The following KDM4C variants were observed in gnomAD, a reference collection of about 807,000 sequenced individuals.
KDM4C encodes lysine-specific demethylase 4C.
A neutral mutation model predicts 129.3 loss-of-function variants in KDM4C; 81 were observed. The ratio of observed to expected loss-of-function variants is 0.63; its 90% CI spans 0.52 to 0.75. KDM4C has a LOEUF of 0.75. KDM4C is among the 30% of genes least tolerant of loss of function. The pLI is 0.00. For missense variants in KDM4C, 1,457 were observed against 1,304.0 expected, an observed-to-expected ratio of 1.12 and a Z score of -1.81; for synonymous variants, 573 against 456.1, an observed-to-expected ratio of 1.26 and a Z score of -3.26.
At chr9:6,799,299 C>G (rs1402851788) in intron 2 of KDM4C, among the ~76,000 whole-genome samples, 1 of 152,248 alleles carries the variant, frequency 6.6e-6, no homozygotes. Flanking sequence ...TAAGGAGACT[C>G]TGTCTGCAAT....
At chr9:6,874,067 T>C (rs1274313740) in intron 5 of KDM4C, among the ~76,000 whole-genome samples, 1 of 152,048 alleles carries the variant, frequency 6.6e-6, no homozygotes, top group Non-Finnish European at 1.5e-5. Context: ...ACAATAGCAG[T>C]GGCAACATCA....
intron 1 of KDM4C, among the ~76,000 whole-genome samples, chr9:6,744,492 T>TCCAGTGTGGCGA (rs1328097746): frequency 6.6e-6 from 1 of 152,004 alleles, no homozygotes; most frequent in East Asian, 1.9e-4. Context: ...ACCACTGCCC[T>TCCAGTGTGGCGA]CCAGTGTGGC....
intron 4 of KDM4C, among the ~76,000 whole-genome samples, chr9:6,830,987 G>A (rs180796101): frequency 6.6e-6 from 1 of 152,158 alleles, no homozygotes; most frequent in African/African-American, 2.4e-5. Context: ...GATTTTCCAG[G>A]TATTAGTGGT....
chr9:6,990,355 T>G, intron 11 of KDM4C, 61 bp from the exon 12 acceptor site: 2 of 1,116,650 alleles, frequency 1.8e-6, no homozygotes, highest in Non-Finnish European at 2.7e-6. Context: ...TGTAGGGTTT[T>G]TTTTTTTTGT....
intron 1 of KDM4C, among the ~76,000 whole-genome samples, chr9:6,779,625 GA>G (rs1471770515): frequency 2.0e-5 from 3 of 152,186 alleles, no homozygotes; most frequent in Admixed American, 2.0e-4. Context: ...AGTGTTCTGG[GA>G]GACATCCCTG....
intron 8 of KDM4C, among the ~76,000 whole-genome samples, chr9:6,961,704 T>C (rs980297600): frequency 2.6e-5 from 4 of 152,216 alleles, no homozygotes; most frequent in African/African-American, 9.6e-5. Context: ...TAAGGGTCTG[T>C]GGCCCTGTCA....
intron 8 of KDM4C, among the ~76,000 whole-genome samples, chr9:6,951,905 T>G (rs1006421084): frequency 4.6e-5 from 7 of 152,230 alleles, no homozygotes; most frequent in Admixed American, 6.5e-5. Flanking sequence ...ATAATTGATC[T>G]TTTGTCATTT....
At chr9:6,991,840 AG>A (rs77891244) in intron 12 of KDM4C, among the ~76,000 whole-genome samples, 11,107 of 152,272 alleles carry the variant, frequency 0.073, 478 homozygotes, top group Middle Eastern at 0.11. Context: ...GTTTAAGACC[AG>A]CCTGGGCAAC....
rs145222491 is a variant in KDM4C at position 7,062,667 on chromosome 9, C to T, written c.2424+13467C>T. Reference sequence around the variant, plus strand: ...CCAAAGTGCTGGGATTATAGGCATGCGCCACCGTGCCCAGCCCCCTTTTTT... The same window carrying T: ...CCAAAGTGCTGGGATTATAGGCATGTGCCACCGTGCCCAGCCCCCTTTTTT... On this transcript the variant is annotated intron_variant, in intron 17 of 21. Coordinates refer to ENST00000381309, the MANE Select transcript of KDM4C (RefSeq NM_015061.6). Among the ~76,000 whole-genome samples the T allele has an allele frequency of 1.1e-4, 16 of 151,918 alleles. No individual in the cohort carries two copies. The East Asian group carries it at 2.3e-3, about 22-fold the overall frequency.
At chr9:6,752,394 A>G (rs1034352173) in intron 1 of KDM4C, among the ~76,000 whole-genome samples, 8 of 139,842 alleles carry the variant, frequency 5.7e-5, no homozygotes, top group African/African-American at 8.2e-5. Context: ...AAAAATTGGT[A>G]ACGTTCTCAA....
chr9:6,807,103 C>G (rs879734770), intron 3 of KDM4C, among the ~76,000 whole-genome samples: 2 of 151,904 alleles, frequency 1.3e-5, no homozygotes, highest in Non-Finnish European at 2.9e-5. Context: ...TTGGCCGGGC[C>G]GGTCTCCAGC....
chr9:6,987,543 T>C (rs1251233555), intron 11 of KDM4C, among the ~76,000 whole-genome samples: 1 of 152,148 alleles, frequency 6.6e-6, no homozygotes, highest in Non-Finnish European at 1.5e-5. Context: ...TTTGAGCTGA[T>C]AGGTTGCGCT....
chr9:7,069,133 C>T (rs910495790), intron 17 of KDM4C, among the ~76,000 whole-genome samples: 1 of 152,126 alleles, frequency 6.6e-6, no homozygotes, highest in East Asian at 1.9e-4. Context: ...TAGAGTACTC[C>T]ACCAGGGCCT....
intron 8 of KDM4C, among the ~76,000 whole-genome samples, chr9:6,957,623 G>A (rs759201125): frequency 2.1e-4 from 32 of 152,110 alleles, no homozygotes; most frequent in Non-Finnish European, 4.4e-4. Flanking sequence ...CTGTTTCTCT[G>A]TGTTGTGACT....
chr9:6,835,358 C>T lies in KDM4C; in HGVS notation c.436-14149C>T, dbSNP rs191141785. 1.2e-5 allele frequency: 13 copies of T among 1,053,092 alleles called. No homozygotes were observed. In the East Asian group the frequency reaches 2.6e-4, roughly 21 times the overall value. 65.2% of individuals were successfully genotyped at this position (1,053,092 alleles called of 1,614,324 possible). A position where few individuals can be genotyped will look rare whatever the true frequency, so the allele number is the denominator to read the frequency against. On this transcript the variant is annotated intron_variant, in intron 4 of 21. Transcript: ENST00000381309. ...GCCAACACATTGCTGTCTGGCGGCA[C>T]CACCATGTACCCTAGCGTTGCCAAC...
intron 18 of KDM4C, among the ~76,000 whole-genome samples, chr9:7,112,065 A>G (rs372113425): frequency 6.6e-6 from 1 of 152,200 alleles, no homozygotes; most frequent in South Asian, 2.1e-4. Context: ...GCCCACATGC[A>G]CAAAGTGGGT....
At chr9:7,114,287 G>T (rs950666315) in intron 18 of KDM4C, among the ~76,000 whole-genome samples, 17 of 152,134 alleles carry the variant, frequency 1.1e-4, no homozygotes, top group African/African-American at 3.9e-4. Context: ...CATTGTGCCT[G>T]TCAGCTAGGA....
chr9:6,872,363 G>C (rs1842921502), intron 5 of KDM4C, among the ~76,000 whole-genome samples: 1 of 152,118 alleles, frequency 6.6e-6, no homozygotes, highest in South Asian at 2.1e-4. Flanking sequence ...GGGGTGGAGA[G>C]TTCTGTAAAT....
intron 5 of KDM4C, among the ~76,000 whole-genome samples, chr9:6,869,874 A>G (rs1247491043): frequency 1.3e-5 from 2 of 152,250 alleles, no homozygotes; most frequent in South Asian, 2.1e-4. Flanking sequence ...TAAGTATGCA[A>G]TGTTCTACTT....
Sources: gnomAD v4.1 joint callset for allele counts (sites outside exome capture counted in the v4.1 genomes callset) on GRCh38, gnomAD v4.1.1 for gene constraint, MANE v1.5 for transcripts, NCBI Gene and HGNC (gene_info 2026-07-23, HGNC 2026-07-21) for gene names.